The following GABPB1 variants were observed in gnomAD, a reference collection of about 807,000 sequenced individuals.
The protein encoded by GABPB1 is GA binding protein transcription factor subunit beta 1, also known as GA-binding protein subunit beta-1.
Under a neutral mutation model 45.9 loss-of-function variants are expected in GABPB1, and 15 were observed. That is an observed-to-expected ratio of 0.33 (90% CI 0.22 to 0.50). GABPB1 has a LOEUF of 0.50. Ranked by LOEUF, GABPB1 falls within the 20% of genes least tolerant of loss-of-function variation. The pLI is 0.98. For missense variants in GABPB1, 252 were observed against 457.5 expected (o/e 0.55, Z 4.10); for synonymous variants, 143 against 154.4 (o/e 0.93, Z 0.55).
chr15:50,315,841 G>A (rs1053325023), intron 1 of GABPB1, among the ~76,000 whole-genome samples: 4 of 152,168 alleles, frequency 2.6e-5, no homozygotes, highest in Non-Finnish European at 4.4e-5. Flanking sequence ...TTGGGAGGCC[G>A]AGAAGGGAAG....
chr15:50,296,403 G>A (rs1298539819), intron 6 of GABPB1, among the ~76,000 whole-genome samples: 1 of 152,110 alleles, frequency 6.6e-6, no homozygotes, highest in Non-Finnish European at 1.5e-5. Context: ...TAATAGCGAC[G>A]CTCTTGCTTA....
rs1000936559 is a variant in GABPB1, at chr15:50,278,596, G to A, written c.*36C>T. ...ACAGTTCAAGATTGTATTCTTTCTT[G>A]ACCAAAAGTAAAATCAAACTACATG... On this transcript the variant is annotated 3_prime_UTR_variant, in exon 9 of 9. Coordinates refer to ENST00000380877, the MANE Select transcript of GABPB1 (RefSeq NM_016654.5). The A allele has an allele frequency of 4.4e-6, 7 of 1,589,228 alleles. No homozygotes were observed. Among genetic ancestry groups the A allele is most frequent in the Non-Finnish European group, 5.2e-6 (6 of 1,163,576 alleles).
intron 1 of GABPB1, among the ~76,000 whole-genome samples, chr15:50,345,691 A>G (rs1010380110): frequency 1.3e-5 from 2 of 151,472 alleles, no homozygotes; most frequent in Admixed American, 1.3e-4. Flanking sequence ...TTTTCCTCCC[A>G]AAGTACAGAT....
intron 1 of GABPB1, among the ~76,000 whole-genome samples, chr15:50,319,904 TAC>T (rs1265301247): frequency 6.6e-6 from 1 of 152,186 alleles, no homozygotes; most frequent in African/African-American, 2.4e-5. Flanking sequence ...ATAAGAATTA[TAC>T]AGTTTAAAGT....
intron 7 of GABPB1, among the ~76,000 whole-genome samples, chr15:50,288,027 G>A (rs974190737): frequency 1.3e-5 from 2 of 152,066 alleles, no homozygotes; most frequent in African/African-American, 2.4e-5. Context: ...AAAGGCACAC[G>A]CTCTACAATC....
chr15:50,304,215 AC>A, intron 2 of GABPB1, 82 bp from the exon 3 acceptor site: 1 of 1,200,442 alleles, frequency 8.3e-7, no homozygotes, highest in African/African-American at 1.6e-5. Flanking sequence ...GATTTTCTTT[AC>A]ATTATCTGTT....
intron 1 of GABPB1, among the ~76,000 whole-genome samples, chr15:50,313,711 T>C (rs781647268): frequency 2.6e-5 from 4 of 152,096 alleles, no homozygotes; most frequent in Admixed American, 6.5e-5. Flanking sequence ...TATGAAAAGA[T>C]ATAAATCTTT....
intron 8 of GABPB1, among the ~76,000 whole-genome samples, chr15:50,281,443 C>A (rs1243407147): frequency 6.6e-6 from 1 of 152,160 alleles, no homozygotes; most frequent in Non-Finnish European, 1.5e-5. Context: ...AATCTCCTGA[C>A]CTCGTGATCT....
intron 1 of GABPB1, among the ~76,000 whole-genome samples, chr15:50,335,674 G>A (rs1257734503): frequency 6.6e-6 from 1 of 151,958 alleles, no homozygotes; most frequent in East Asian, 1.9e-4. Context: ...CAAGGCGGGT[G>A]GATCATGAGG....
chr15:50,281,726 GGGCCCAC>G (rs974282661), intron 8 of GABPB1, among the ~76,000 whole-genome samples: 22 of 152,158 alleles, frequency 1.4e-4, no homozygotes, highest in African/African-American at 4.3e-4. Flanking sequence ...ACAGACTGTA[GGGCCCAC>G]AAAGCCAAAA....
chr15:50,338,707 T>G (rs2048233831), intron 1 of GABPB1, among the ~76,000 whole-genome samples: 2 of 151,660 alleles, frequency 1.3e-5, no homozygotes, highest in African/African-American at 4.8e-5. Context: ...CTCCTGGACT[T>G]AAGTGATCCA....
intron 1 of GABPB1, among the ~76,000 whole-genome samples, chr15:50,332,370 T>C (rs2047977322): frequency 6.6e-6 from 1 of 152,220 alleles, no homozygotes; most frequent in Admixed American, 6.5e-5. Flanking sequence ...AAAAAATCTA[T>C]AGATTTTAAA....
intron 1 of GABPB1, among the ~76,000 whole-genome samples, chr15:50,348,494 G>T (rs1006812806): frequency 1.3e-4 from 20 of 151,352 alleles, no homozygotes; most frequent in African/African-American, 4.8e-5. Flanking sequence ...CAAGTGATCC[G>T]CCCGCCTCGG....
intron 1 of GABPB1, chr15:50,351,812 T>C (rs973997009): frequency 6.6e-6 from 1 of 152,196 alleles, no homozygotes; most frequent in Non-Finnish European, 1.5e-5. Context: ...ACTGATCTCA[T>C]CTAGTGCTAG....
At chr15:50,292,992 T>TAAA (rs72023851) in intron 6 of GABPB1, among the ~76,000 whole-genome samples, 5 of 149,414 alleles carry the variant, frequency 3.3e-5, no homozygotes, top group African/African-American at 1.2e-4. Flanking sequence ...TGTCTACATA[T>TAAA]AAAAAAAAAA....
At chr15:50,307,629 C>T (rs963607223) in intron 2 of GABPB1, among the ~76,000 whole-genome samples, 1 of 149,494 alleles carries the variant, frequency 6.7e-6, no homozygotes, top group Non-Finnish European at 1.5e-5. Flanking sequence ...TTGAACCCGG[C>T]AGGCGGAGGT....
intron 1 of GABPB1, among the ~76,000 whole-genome samples, chr15:50,345,798 G>C (rs1429954605): frequency 6.6e-6 from 1 of 151,512 alleles, no homozygotes; most frequent in Non-Finnish European, 1.5e-5. Context: ...TGCAAGCTCC[G>C]CCTCCCGGGT....
intron 1 of GABPB1, chr15:50,351,664 G>A (rs1042879335): frequency 2.6e-5 from 1 of 37,870 alleles, no homozygotes; most frequent in Non-Finnish European, 7.9e-5. Flanking sequence ...GAGGAAAGAG[G>A]GAGGGAGGGA....
At position 50,309,649 on chromosome 15, in the gene GABPB1, T is replaced by C. The variant is rs1479644537; in HGVS notation, c.108+42A>G. The C allele has an allele frequency of 7.3e-6, 9 of 1,236,026 alleles. No homozygotes were observed. In the Admixed American group the frequency reaches 1.2e-4, roughly 17 times the overall value. 76.6% of individuals were successfully genotyped at this position (1,236,026 alleles called of 1,614,324 possible). ...ATTTTTCTCTGCAAAAACTCAAAAA[T>C]GAGAAGGAAAAAGAACACACAATAT... On this transcript the variant is annotated intron_variant, in intron 2 of 8. Transcript: ENST00000380877.
Sources: gnomAD v4.1 joint callset for allele counts (sites outside exome capture counted in the v4.1 genomes callset) on GRCh38, gnomAD v4.1.1 for gene constraint, MANE v1.5 for transcripts, NCBI Gene and HGNC (gene_info 2026-07-23, HGNC 2026-07-21) for gene names.